The following RNPEP variants were observed in gnomAD, a reference collection of about 807,000 sequenced individuals.
RNPEP encodes aminopeptidase B.
A neutral mutation model predicts 70.1 loss-of-function variants in RNPEP; 57 were observed. The observed-to-expected ratio is 0.81, with a 90% confidence interval of 0.66 to 1.01. The LOEUF (loss-of-function observed/expected upper bound fraction) is 1.01, where lower values mean the gene tolerates loss of function less well. Ranked by LOEUF, RNPEP falls within the 50% of genes least tolerant of loss-of-function variation. The pLI, the probability that RNPEP is intolerant of heterozygous loss-of-function variation, is 0.00. For missense variants in RNPEP, 787 were observed against 852.4 expected (o/e 0.92, Z 0.96); for synonymous variants, 335 against 357.4 (o/e 0.94, Z 0.71).
At position 202,005,677 on chromosome 1, in the gene RNPEP, C is replaced by T. The variant is rs1684034044; in HGVS notation, c.1914C>T (p.Val638=). 1 of 1,614,230 alleles carries T rather than the reference C, an allele frequency of 6.2e-7. No individual in the cohort carries two copies. Among genetic ancestry groups the T allele is most frequent in the Non-Finnish European group, 8.5e-7 (1 of 1,180,052 alleles). ...STASQLHSNV[V]NYVQQIVAPK... is the part of the protein sequence containing the mutation. The stretch of plus-strand genomic sequence containing the variant: ...CCTCCCAGCTCCACAGCAATGTTGT[C>T]AACTATGTCCAGCAGATCGTGGCAC... The change falls in exon 11 of 11, where the codon GTC becomes GTT. Residue 638 remains valine, a synonymous_variant. Coordinates refer to ENST00000295640, the MANE Select transcript of RNPEP (RefSeq NM_020216.4).
chr1:201,989,493 G>A lies in RNPEP; in HGVS notation c.699G>A (p.Leu233=). The A allele has an allele frequency of 6.2e-7, 1 of 1,614,090 alleles. No homozygotes were observed. Reference sequence around the variant, plus strand: ...CCATCCCCTCCTATCTGATAGCTTTGGCCATCGGAGATCTGGTTTCGGCTG... The same window carrying A: ...CCATCCCCTCCTATCTGATAGCTTTAGCCATCGGAGATCTGGTTTCGGCTG... ...CQPIPSYLIA[L]AIGDLVSAEV... Residue 233 remains leucine, a synonymous_variant, in exon 3 of 11, where the codon TTG becomes TTA. Coordinates refer to ENST00000295640, the MANE Select transcript of RNPEP (RefSeq NM_020216.4).
chr1:201,997,503 A>G lies in RNPEP; in HGVS notation c.1039A>G (p.Asn347Asp). 4 of 1,614,112 alleles carry G rather than the reference A, an allele frequency of 2.5e-6. No individual in the cohort carries two copies. The highest frequency in any genetic ancestry group is 3.4e-6 in the Non-Finnish European group (4 of 1,180,032). The change falls in exon 5 of 11, where the codon AAT becomes GAT. Residue 347 changes from asparagine (N) to aspartate (D), a missense_variant. Physicochemically the swap from Asn to Asp is conservative, Grantham distance 23. Coordinates refer to ENST00000295640, the MANE Select transcript of RNPEP (RefSeq NM_020216.4). Reference sequence around the variant, plus strand: ...CGCCAACTGGGGTGAATTCTGGCTCAATGAAGGTTTCACCATGTACGCCCA... The same window carrying G: ...CGCCAACTGGGGTGAATTCTGGCTCGATGAAGGTTTCACCATGTACGCCCA... ...TNANWGEFWL[N>D]EGFTMYAQRR... is the part of the protein sequence containing the mutation.
At position 202,001,570 on chromosome 1, in the gene RNPEP, T is replaced by C. The variant is rs566601624; in HGVS notation, c.1317+82T>C. On this transcript the variant is annotated intron_variant, in intron 7 of 10. Transcript: ENST00000295640. ...AAGGGTAGAGGCAGGGGGCGAAAGA[T>C]GTAAGGGGTTGGAGGAGGACCCAGG... is the stretch of plus-strand genomic sequence containing the variant. The C allele has an allele frequency of 2.0e-5, 29 of 1,429,992 alleles. No individual in the cohort carries two copies. In the African/African-American group the frequency reaches 3.6e-4, roughly 18 times the overall value. 88.6% of individuals were successfully genotyped at this position (1,429,992 alleles called of 1,614,324 possible).
intron 3 of RNPEP, among the ~76,000 whole-genome samples, chr1:201,990,510 C>T (rs1017478964): frequency 3.3e-5 from 5 of 152,196 alleles, no homozygotes; most frequent in Non-Finnish European, 7.3e-5. Flanking sequence ...ACAGGCTGGA[C>T]GGTGAAGCCG....
intron 3 of RNPEP, among the ~76,000 whole-genome samples, chr1:201,990,006 G>A (rs751461745): frequency 2.6e-5 from 4 of 152,142 alleles, no homozygotes; most frequent in South Asian, 2.1e-4. Context: ...CACCACGCTC[G>A]GCTAATTTTT....
intron 3 of RNPEP, 94 bp downstream of exon 3, chr1:201,989,625 T>C (rs1571626223): frequency 4.5e-6 from 6 of 1,322,036 alleles, no homozygotes; most frequent in African/African-American, 1.5e-5. Context: ...TCTTGGGCAG[T>C]CTTGGATCCT....
chr1:201,986,610 G>A lies in RNPEP; in HGVS notation c.448-2294G>A, dbSNP rs182012122. Among the ~76,000 whole-genome samples, 291 of 145,672 alleles carry A rather than the reference G, an allele frequency of 2.0e-3. 2 individuals are homozygous for A. The highest frequency in any genetic ancestry group is 2.8e-3 in the Non-Finnish European group (190 of 66,844). On this transcript the variant is annotated intron_variant, in intron 1 of 10. Transcript: ENST00000295640. ...GGCTGGACTGCAGTGGTGTGATCTC[G>A]GCTCACTGCAACCTCCGCCTCCCTG...
intron 3 of RNPEP, chr1:201,995,726 A>T (rs957931939): frequency 1.2e-5 from 2 of 161,266 alleles, no homozygotes; most frequent in African/African-American, 4.8e-5. Flanking sequence ...TCAATTCCAG[A>T]TTCTACTATT....
At position 201,982,693 on chromosome 1, in the gene RNPEP, C is replaced by T; in HGVS notation, c.27C>T (p.Gly9=). 10 of 1,394,920 alleles carry T rather than the reference C, an allele frequency of 7.2e-6. No homozygotes were observed. Among genetic ancestry groups the T allele is most frequent in the South Asian group, 1.6e-5 (1 of 63,608 alleles). The allele number at this position is 1,394,920 out of a possible 1,614,324, so 86.4% of individuals were successfully genotyped here. A position where few individuals can be genotyped will look rare whatever the true frequency, so the allele number is the denominator to read the frequency against. ...TGGCGAGCGGCGAGCATTCCCCCGG[C>T]AGCGGCGCGGCCCGGCGGCCGCTGC... The part of the protein sequence containing the change: MASGEHSP[G]SGAARRPLHS... Residue 9 remains glycine, a synonymous_variant, in exon 1 of 11, where the codon GGC becomes GGT. Coordinates refer to ENST00000295640, the MANE Select transcript of RNPEP (RefSeq NM_020216.4).
chr1:201,983,151 T>C (rs999834222), intron 1 of RNPEP, 38 bp downstream of exon 1: 1 of 1,434,502 alleles, frequency 7.0e-7, no homozygotes, highest in Non-Finnish European at 9.0e-7. Context: ...GCTGCCTGCC[T>C]GCCCTTCCGG....
In RNPEP at chr1:201,997,406, T is replaced by G. The variant is rs1683595633; in HGVS notation, c.942T>G (p.Ala314=). 9.3e-6 allele frequency: 15 copies of G among 1,614,010 alleles called. 1 individual carries two copies. The highest frequency in any genetic ancestry group is 6.7e-5 in the Admixed American group (4 of 59,998). The stretch of plus-strand genomic sequence containing the variant: ...CCTTTGTCACCCCCTGCCTGCTAGC[T>G]GGGGACCGCTCCTTGGCAGATGTCA... ...CLTFVTPCLL[A]GDRSLADVII... The change falls in exon 5 of 11, where the codon GCT becomes GCG. Residue 314 remains alanine, a synonymous_variant. Coordinates refer to ENST00000295640, the MANE Select transcript of RNPEP (RefSeq NM_020216.4).
intron 4 of RNPEP, chr1:201,996,523 T>A: frequency 3.2e-6 from 1 of 313,862 alleles, no homozygotes; most frequent in African/African-American, 2.3e-5. Context: ...AGATGGAGTC[T>A]CGCTCTGTCA....
chr1:201,988,149 A>G (rs1290737078), intron 1 of RNPEP, among the ~76,000 whole-genome samples: 1 of 149,146 alleles, frequency 6.7e-6, no homozygotes, highest in East Asian at 2.0e-4. Context: ...TCGAAAAAAA[A>G]AAAAGAAAAG....
rs556465611 is a variant in RNPEP, at chr1:202,003,305, G to T, written c.1495G>T (p.Asp499Tyr). The change falls in exon 9 of 11, where the codon GAC becomes TAC. Residue 499 changes from aspartate (D) to tyrosine (Y), a missense_variant. Asp to Tyr is a radical substitution (Grantham distance 160, BLOSUM62 -3). Transcript: ENST00000295640. ...GTACCTCCCTGATCTCTCCCCTGGG[G>T]ACTCACTCATGAAGCCTGCTGAAGA... ...PPYLPDLSPG[D>Y]SLMKPAEELA... 2 of 1,614,122 alleles carry T rather than the reference G, an allele frequency of 1.2e-6. No individual in the cohort carries two copies. Among genetic ancestry groups the T allele is most frequent in the African/African-American group, 2.7e-5 (2 of 75,010 alleles).
At chr1:201,984,840 T>C (rs201697083) in intron 1 of RNPEP, among the ~76,000 whole-genome samples, 79,642 of 134,154 alleles carry the variant, frequency 0.59, 26,486 homozygotes, top group Non-Finnish European at 0.64. Context: ...TTTTTTTTTT[T>C]TTTTTTTTTT....
intron 10 of RNPEP, 60 bp from the exon 11 acceptor site, chr1:202,005,498 C>T (rs374422324): frequency 5.7e-6 from 9 of 1,579,788 alleles, no homozygotes; most frequent in East Asian, 4.5e-5. Context: ...CTGGGGGCAG[C>T]AGGGCTGGAC....
chr1:201,990,050 G>A (rs560883585), intron 3 of RNPEP, among the ~76,000 whole-genome samples: 13 of 152,254 alleles, frequency 8.5e-5, no homozygotes, highest in African/African-American at 3.1e-4. Context: ...TCACCATGTT[G>A]GCCAGGCTGC....
intron 8 of RNPEP, 195 bp from the exon 9 acceptor site, chr1:202,003,042 A>G: frequency 1.8e-6 from 1 of 570,278 alleles, no homozygotes; most frequent in Non-Finnish European, 3.1e-6. Context: ...CACGGTCGAA[A>G]CGGCACAGTC....
intron 1 of RNPEP, among the ~76,000 whole-genome samples, chr1:201,985,586 A>AT (rs1683104390): frequency 6.6e-6 from 1 of 152,140 alleles, no homozygotes; most frequent in African/African-American, 2.4e-5. Flanking sequence ...GAGAGTTCCC[A>AT]TATACAGTTC....
Sources: allele counts gnomAD v4.1 joint callset (sites outside exome capture counted in the v4.1 genomes callset), GRCh38; gene constraint gnomAD v4.1.1; transcripts MANE v1.5; gene names NCBI Gene and HGNC (gene_info 2026-07-23, HGNC 2026-07-21).